The following ANO10 variants were observed in gnomAD, a reference collection of about 807,000 sequenced individuals.
ANO10 encodes the protein anoctamin 10.
Under a neutral mutation model 74.7 loss-of-function variants are expected in ANO10, and 77 were observed. That is an observed-to-expected ratio of 1.03 (90% CI 0.86 to 1.25). The LOEUF is 1.25. Among genes scored for constraint, ANO10 ranks in the 50% most tolerant of loss-of-function variants. The probability of loss-of-function intolerance (pLI) is 0.00; values close to 1 mark genes in which losing one functional copy is unlikely to be tolerated. For missense variants in ANO10, 721 were observed against 778.1 expected (o/e 0.93, Z 0.87); for synonymous variants, 279 against 284.9 (o/e 0.98, Z 0.21).
intron 1 of ANO10, among the ~76,000 whole-genome samples, chr3:43,610,257 G>A (rs1334447617): frequency 1.3e-5 from 2 of 152,136 alleles, no homozygotes; most frequent in African/African-American, 4.8e-5. Context: ...AAGGTCTTCA[G>A]AGGCAGTAAC....
At chr3:43,459,709 G>C (rs1432606894) in intron 11 of ANO10, among the ~76,000 whole-genome samples, 2 of 152,308 alleles carry the variant, frequency 1.3e-5, no homozygotes, top group Admixed American at 1.3e-4. Context: ...CCATTCAAGG[G>C]GGAAAGTGCT....
At chr3:43,441,197 TAAAC>T (rs1188130662) in intron 11 of ANO10, among the ~76,000 whole-genome samples, 2 of 140,036 alleles carry the variant, frequency 1.4e-5, no homozygotes, top group East Asian at 2.2e-4. Context: ...AGAACAAAAA[TAAAC>T]AGACTAGAAA....
At chr3:43,471,006 T>TA (rs1248535304) in intron 11 of ANO10, among the ~76,000 whole-genome samples, 2 of 152,190 alleles carry the variant, frequency 1.3e-5, no homozygotes, top group East Asian at 3.8e-4. Context: ...TATAAATTTA[T>TA]AAATTACATT....
chr3:43,518,910 C>A (rs1249533950), intron 11 of ANO10, among the ~76,000 whole-genome samples: 1 of 152,056 alleles, frequency 6.6e-6, no homozygotes, highest in South Asian at 2.1e-4. Context: ...CTCGCTCTGC[C>A]CCCATTTGCC....
intron 11 of ANO10, among the ~76,000 whole-genome samples, chr3:43,499,629 G>A (rs1015709439): frequency 6.6e-6 from 1 of 150,996 alleles, no homozygotes; most frequent in African/African-American, 2.4e-5. Flanking sequence ...GTAAGACACC[G>A]TAAGACACAC....
At chr3:43,577,320 T>C (rs538843841) in intron 5 of ANO10, 59 bp from the exon 6 acceptor site, 3 of 1,505,858 alleles carry the variant, frequency 2.0e-6, no homozygotes, top group African/African-American at 2.8e-5. Context: ...TAAAAAATCA[T>C]TTCAAGTACG....
At chr3:43,635,856 A>G (rs1294108898) in intron 1 of ANO10, among the ~76,000 whole-genome samples, 1 of 151,956 alleles carries the variant, frequency 6.6e-6, no homozygotes, top group African/African-American at 2.4e-5. Flanking sequence ...GCCTGACCTC[A>G]TGATCCACCC....
chr3:43,674,789 A>C (rs2084101306), intron 1 of ANO10, among the ~76,000 whole-genome samples: 1 of 152,156 alleles, frequency 6.6e-6, no homozygotes, highest in Non-Finnish European at 1.5e-5. Context: ...GGATCATCCC[A>C]GTTTGAGTCA....
chr3:43,420,334 T>C (rs1220517232), intron 12 of ANO10, among the ~76,000 whole-genome samples: 1 of 151,760 alleles, frequency 6.6e-6, no homozygotes, highest in Admixed American at 6.6e-5. Context: ...TAGTCCCAGA[T>C]ACTCAGGAGG....
intron 11 of ANO10, among the ~76,000 whole-genome samples, chr3:43,533,485 A>G (rs1022072286): frequency 6.6e-6 from 1 of 152,204 alleles, no homozygotes; most frequent in African/African-American, 2.4e-5. Context: ...TAGTTCCACA[A>G]TTATCTATTT....
chr3:43,372,284 C>G (rs542571066), intron 12 of ANO10, among the ~76,000 whole-genome samples: 1 of 152,208 alleles, frequency 6.6e-6, no homozygotes, highest in African/African-American at 2.4e-5. Flanking sequence ...CTGTCACACA[C>G]GCACTGCTCC....
At chr3:43,367,101 C>T (rs988373136) in intron 12 of ANO10, 127 bp from the exon 13 acceptor site, 2 of 847,808 alleles carry the variant, frequency 2.4e-6, no homozygotes, top group African/African-American at 1.7e-5. Flanking sequence ...ATGCTGCCTG[C>T]AGCTTCCTGC....
intron 12 of ANO10, among the ~76,000 whole-genome samples, chr3:43,398,472 A>G (rs185261533): frequency 2.6e-5 from 4 of 152,354 alleles, no homozygotes; most frequent in African/African-American, 9.6e-5. Context: ...GAGAATAAAG[A>G]GTGAATTTCC....
intron 12 of ANO10, among the ~76,000 whole-genome samples, chr3:43,426,509 G>A (rs1485931747): frequency 2.0e-5 from 3 of 151,884 alleles, no homozygotes; most frequent in Admixed American, 1.3e-4. Context: ...TGATTCCTGA[G>A]GCTGTTTTCT....
chr3:43,527,371 T>A (rs1225079780), intron 11 of ANO10, among the ~76,000 whole-genome samples: 1 of 152,134 alleles, frequency 6.6e-6, no homozygotes, highest in East Asian at 1.9e-4. Flanking sequence ...TAAAATATGC[T>A]GCACACTAAA....
At chr3:43,523,349 T>C (rs1229512418) in intron 11 of ANO10, among the ~76,000 whole-genome samples, 9 of 152,162 alleles carry the variant, frequency 5.9e-5, no homozygotes, top group Admixed American at 2.6e-4. Context: ...AAATCTGGGC[T>C]TTAATCCTGA....
chr3:43,397,927 G>C (rs181635344), intron 12 of ANO10, among the ~76,000 whole-genome samples: 1 of 152,338 alleles, frequency 6.6e-6, no homozygotes, highest in East Asian at 1.9e-4. Flanking sequence ...TATTTTGTCT[G>C]TTTTGGGGGG....
intron 7 of ANO10, 75 bp from the exon 8 acceptor site, chr3:43,565,802 A>G: frequency 6.8e-7 from 1 of 1,474,838 alleles, no homozygotes; most frequent in Non-Finnish European, 9.2e-7. Context: ...GTAATGCAGC[A>G]TTTAAAAATG....
At chr3:43,372,566 T>C (rs1230170578) in intron 12 of ANO10, among the ~76,000 whole-genome samples, 1 of 152,210 alleles carries the variant, frequency 6.6e-6, no homozygotes, top group Non-Finnish European at 1.5e-5. Context: ...TGGCAACTCC[T>C]TTCTGCCACT....
Sources: gnomAD v4.1 joint callset for allele counts (sites outside exome capture counted in the v4.1 genomes callset) on GRCh38, gnomAD v4.1.1 for gene constraint, MANE v1.5 for transcripts, NCBI Gene and HGNC (gene_info 2026-07-23, HGNC 2026-07-21) for gene names.